PRKD2: variants seen among roughly 807,000 people sequenced by gnomAD.
PRKD2 encodes protein kinase D2.
PRKD2 carries 22 observed loss-of-function variants against 86.0 expected under a neutral mutation model. The ratio of observed to expected loss-of-function variants is 0.26; its 90% CI spans 0.18 to 0.37. The LOEUF is 0.37. Ranked by LOEUF, PRKD2 falls within the 10% of genes least tolerant of loss-of-function variation. PRKD2 has a pLI of 1.00. For synonymous variants in PRKD2, 509 were observed against 510.9 expected, an observed-to-expected ratio of 1.00 and a Z score of 0.05; for missense variants, 818 against 1,199.2, an observed-to-expected ratio of 0.68 and a Z score of 4.70.
At chr19:46,695,692 G>A (rs1024657736) in intron 9 of PRKD2, among the ~76,000 whole-genome samples, 9 of 152,288 alleles carry the variant, frequency 5.9e-5, no homozygotes, top group Non-Finnish European at 1.0e-4. Flanking sequence ...CGGGACAGAA[G>A]GCACAGGGAC....
chr19:46,684,636 T>G (rs2053367271), intron 14 of PRKD2, among the ~76,000 whole-genome samples: 2 of 152,166 alleles, frequency 1.3e-5, no homozygotes, highest in African/African-American at 4.8e-5. Context: ...TTCCAGATTT[T>G]GTCAGTTGAT....
chr19:46,682,430 C>G (rs906692759), intron 14 of PRKD2, among the ~76,000 whole-genome samples: 4 of 152,028 alleles, frequency 2.6e-5, no homozygotes, highest in African/African-American at 9.7e-5. Flanking sequence ...GCTGGGATTA[C>G]AGGCGTGAGT....
At chr19:46,687,072 A>T (rs1599818157) in intron 14 of PRKD2, among the ~76,000 whole-genome samples, 1 of 151,862 alleles carries the variant, frequency 6.6e-6, no homozygotes, top group African/African-American at 2.4e-5. Flanking sequence ...TCTAATGTGC[A>T]CCTCCACCAA....
rs527533022 is a variant in PRKD2, at chr19:46,700,256, G to C, written c.1121+543C>G. Among the ~76,000 whole-genome samples, 418 of 152,076 alleles carry C rather than the reference G, an allele frequency of 2.7e-3. 2 individuals carry two copies. Among genetic ancestry groups the C allele is most frequent in the African/African-American group, 8.5e-3 (354 of 41,466 alleles). ...CGTCTAAAATTAGCCAGGGATAGCA[G>C]TGCATCCCTGTAGTCCCAGATACTC... is the stretch of plus-strand genomic sequence containing the variant. On this transcript the variant is annotated intron_variant, in intron 7 of 17. Transcript: ENST00000291281.
Position 46,709,929 on chromosome 19 carries a change from C to G in PRKD2, c.511+978G>C, listed in dbSNP as rs370723223. ...TTGTTTCTGTTTTCAGAAGGAGTCT[C>G]ACTCTATCACCAGGCTGGAGTGCAG... On this transcript the variant is annotated intron_variant, in intron 3 of 17. Coordinates refer to ENST00000291281, the MANE Select transcript of PRKD2 (RefSeq NM_016457.5). 8.3e-4 allele frequency among the ~76,000 whole-genome samples: 126 copies of G among 152,040 alleles called. 1 individual carries two copies. In the South Asian group the frequency reaches 9.6e-3, roughly 12 times the overall value.
intron 14 of PRKD2, 68 bp from the exon 15 acceptor site, chr19:46,681,816 C>T (rs2053311867): frequency 1.0e-6 from 1 of 999,954 alleles, no homozygotes; most frequent in Non-Finnish European, 1.6e-6. Context: ...ACCTCAGCAG[C>T]CAGCCCTCCA....
chr19:46,710,838 G>C (rs1440795718), intron 3 of PRKD2, 69 bp downstream of exon 3: 2 of 1,462,292 alleles, frequency 1.4e-6, no homozygotes, highest in East Asian at 2.5e-5. Flanking sequence ...CCCCGTGCCA[G>C]GACCATTACG....
chr19:46,675,820 C>CA (rs2053192784), intron 16 of PRKD2, among the ~76,000 whole-genome samples: 1 of 151,502 alleles, frequency 6.6e-6, no homozygotes, highest in Admixed American at 6.6e-5. Context: ...AGCTGAAGTG[C>CA]AGTGGCGTGA....
At chr19:46,697,311 C>A (rs905198404) in intron 8 of PRKD2, 77 bp from the exon 9 acceptor site, 1 of 1,133,072 alleles carries the variant, frequency 8.8e-7, no homozygotes, top group South Asian at 1.4e-5. Flanking sequence ...CTGCTTGGGG[C>A]TCCAGGTGCC....
At chr19:46,684,344 T>TG (rs1337896849) in intron 14 of PRKD2, among the ~76,000 whole-genome samples, 8 of 152,124 alleles carry the variant, frequency 5.3e-5, no homozygotes, top group Non-Finnish European at 1.0e-4. Flanking sequence ...TTTTTTGAGA[T>TG]GGAGTCTCAC....
intron 14 of PRKD2, among the ~76,000 whole-genome samples, chr19:46,686,945 C>A (rs569772949): frequency 3.7e-4 from 55 of 149,054 alleles, no homozygotes; most frequent in Non-Finnish European, 1.0e-4. Context: ...AGCAAGACTC[C>A]GTCTCAAAAA....
chr19:46,710,659 C>G, intron 3 of PRKD2: 2 of 503,416 alleles, frequency 4.0e-6, no homozygotes, highest in Admixed American at 3.2e-5. Flanking sequence ...TCTTAAGCCC[C>G]TACTTGTCCC....
chr19:46,680,948 T>TATATATATATATA (rs55813443), intron 15 of PRKD2, among the ~76,000 whole-genome samples: 38 of 26,498 alleles, frequency 1.4e-3, no homozygotes, highest in African/African-American at 2.8e-3. Flanking sequence ...ATATATATAT[T>TATATATATATATA]TTTTTTTTTT....
chr19:46,714,518 G>C (rs2122183768), intron 1 of PRKD2: 1 of 151,480 alleles, frequency 6.6e-6, no homozygotes, highest in African/African-American at 2.4e-5. Context: ...GGGCGCTGGA[G>C]ATAAGGAGGG....
At chr19:46,679,634 A>AT (rs1449058513) in intron 15 of PRKD2, among the ~76,000 whole-genome samples, 2 of 151,492 alleles carry the variant, frequency 1.3e-5, no homozygotes, top group African/African-American at 2.4e-5. Context: ...TCATTGTTTT[A>AT]TTTTTTTTGA....
rs146452759 is a variant in PRKD2, at chr19:46,702,020, T to C, written c.890-908A>G. On this transcript the variant is annotated intron_variant, in intron 5 of 17. Coordinates refer to ENST00000291281, the MANE Select transcript of PRKD2 (RefSeq NM_016457.5). ...TACTAAAAACCTATTTTATGAAGGT[T>C]CTATGATTCTGTTTTTTGTTTTTTT... Among the ~76,000 whole-genome samples, 83 of 150,802 alleles carry C rather than the reference T, an allele frequency of 5.5e-4. No individual in the cohort carries two copies. The East Asian group carries it at 0.012, about 22-fold the overall frequency.
In PRKD2 at chr19:46,694,216, C is replaced by T; in HGVS notation, c.1318-83G>A. On this transcript the variant is annotated intron_variant, in intron 9 of 17. Coordinates refer to ENST00000291281, the MANE Select transcript of PRKD2 (RefSeq NM_016457.5). ...GCTTACCCAGAAGGATACACGGGAT[C>T]CATGTTGATAGGGATGGGCCTGGTT... 2 of 1,541,240 alleles carry T rather than the reference C, an allele frequency of 1.3e-6. 1 individual carries two copies.
chr19:46,700,801 C>G lies in PRKD2; in HGVS notation c.1119G>C (p.Gln373His). 2 of 1,614,094 alleles carry G rather than the reference C, an allele frequency of 1.2e-6. No homozygotes were observed. The highest frequency in any genetic ancestry group is 1.7e-6 in the Non-Finnish European group (2 of 1,179,944). ...CTCTTGGAGGGTTCTGTGTATACCT[C>G]TGGGCCTTGCCTCCCTCGCCTTCCT... ...EEEEGEGGKAQSSLGYIPLMR... is the reference protein window; with the variant it reads ...EEEEGEGGKAHSSLGYIPLMR... Residue 373 changes from glutamine (Q) to histidine (H), a missense_variant and splice_region_variant, in exon 7 of 18, where the codon CAG becomes CAC. Around this residue, in one of 5 missense-constraint regions of PRKD2, gnomAD observed 403 missense variants for 518.6 expected, o/e 0.78. Coordinates refer to ENST00000291281, the MANE Select transcript of PRKD2 (RefSeq NM_016457.5).
At position 46,700,933 on chromosome 19, in the gene PRKD2, G is replaced by C; in HGVS notation, c.987C>G (p.Ala329=). 1 of 1,614,206 alleles carries C rather than the reference G, an allele frequency of 6.2e-7. No individual in the cohort carries two copies. The highest frequency in any genetic ancestry group is 8.5e-7 in the Non-Finnish European group (1 of 1,180,020). Reference sequence around the variant, plus strand: ...TCTTGTCAGCCTCGCTGAAATCGGTGGCCTCCTCCATCGGCACATCTGTGG... The same window carrying C: ...TCTTGTCAGCCTCGCTGAAATCGGTCGCCTCCTCCATCGGCACATCTGTGG... ...LINGDVPMEE[A]TDFSEADKSA... Residue 329 remains alanine (A), a synonymous_variant, in exon 7 of 18, where the codon GCC becomes GCG. Coordinates refer to ENST00000291281, the MANE Select transcript of PRKD2 (RefSeq NM_016457.5).
Sources: allele counts gnomAD v4.1 joint callset (sites outside exome capture counted in the v4.1 genomes callset), GRCh38; gene constraint gnomAD v4.1.1; regional missense constraint gnomAD v4.1.1; transcripts MANE v1.5; gene names NCBI Gene and HGNC (gene_info 2026-07-23, HGNC 2026-07-21).